Variants in ZNF714 observed in about 807,000 individuals in gnomAD.
ZNF714 encodes the protein zinc finger protein 714.
Under a neutral mutation model 46.2 loss-of-function variants are expected in ZNF714, and 32 were observed. The ratio of observed to expected loss-of-function variants is 0.69; its 90% confidence interval spans 0.52 to 0.93. The LOEUF is 0.93. Among genes scored for constraint, ZNF714 ranks in the 40% least tolerant of loss-of-function variants. ZNF714 has a pLI of 0.00. For missense variants in ZNF714, 635 were observed against 646.3 expected, an observed-to-expected ratio of 0.98 and a Z score of 0.19; for synonymous variants, 199 against 213.1, an observed-to-expected ratio of 0.93 and a Z score of 0.58.
intron 4 of ZNF714, among the ~76,000 whole-genome samples, chr19:21,107,496 C>T (rs570936301): frequency 6.6e-6 from 1 of 152,264 alleles, no homozygotes; most frequent in South Asian, 2.1e-4. Context: ...ACCTTGGCCT[C>T]CCAAAATGCT....
At chr19:21,088,003 A>C (rs1968822017) in intron 2 of ZNF714, among the ~76,000 whole-genome samples, 2 of 152,206 alleles carry the variant, frequency 1.3e-5, no homozygotes, top group African/African-American at 4.8e-5. Flanking sequence ...CTAGGCGTGG[A>C]GTCCAGGACA....
intron 2 of ZNF714, among the ~76,000 whole-genome samples, chr19:21,093,358 G>C (rs865904249): frequency 6.6e-6 from 1 of 151,578 alleles, no homozygotes; most frequent in Admixed American, 6.6e-5. Context: ...TCAGCCTCCC[G>C]AGTAGCTGGG....
chr19:21,117,774 A>C lies in ZNF714; in HGVS notation c.1110A>C (p.Lys370Asn), dbSNP rs376612809. The change falls in exon 5 of 5, where the codon AAA (lysine) becomes AAC (asparagine). Residue 370 changes from lysine to asparagine, a missense_variant. By Grantham distance (94) the Lys-to-Asn change is moderately conservative. Coordinates refer to ENST00000456283, the MANE Select transcript of ZNF714 (RefSeq NM_182515.4). ...KMIHTGEKPY[K>N]CEECGKAFNH... ...TTCATACTGGAGAGAAACCCTACAA[A>C]TGTGAAGAATGTGGCAAAGCCTTTA... is the stretch of plus-strand genomic sequence containing the variant. The C allele has an allele frequency of 3.7e-6, 6 of 1,613,602 alleles. No homozygotes were observed. In the African/African-American group the frequency reaches 8.0e-5, roughly 22 times the overall value.
chr19:21,106,524 G>A (rs892488561), intron 4 of ZNF714, among the ~76,000 whole-genome samples: 3 of 146,974 alleles, frequency 2.0e-5, no homozygotes, highest in East Asian at 2.1e-4. Flanking sequence ...AGCCGAGATC[G>A]TGCCACTGCA....
chr19:21,100,295 G>C (rs1161896704), intron 4 of ZNF714, among the ~76,000 whole-genome samples: 1 of 152,046 alleles, frequency 6.6e-6, no homozygotes, highest in African/African-American at 2.4e-5. Context: ...AGGCCAGGGA[G>C]GTGGATCCCC....
At chr19:21,101,881 G>A (rs968371550) in intron 4 of ZNF714, among the ~76,000 whole-genome samples, 2 of 152,160 alleles carry the variant, frequency 1.3e-5, no homozygotes, top group Non-Finnish European at 2.9e-5. Flanking sequence ...ATGAATAAGT[G>A]CCTGTCCTCT....
At chr19:21,112,070 T>C (rs963571453) in intron 4 of ZNF714, among the ~76,000 whole-genome samples, 5 of 152,202 alleles carry the variant, frequency 3.3e-5, no homozygotes, top group African/African-American at 1.2e-4. Flanking sequence ...GTTATATCTC[T>C]GCCAGGTCTT....
intron 2 of ZNF714, among the ~76,000 whole-genome samples, chr19:21,097,490 A>G (rs1969070345): frequency 6.6e-6 from 1 of 152,128 alleles, no homozygotes; most frequent in Non-Finnish European, 1.5e-5. Flanking sequence ...TATAGAGTTA[A>G]TTGTTTTTCT....
In ZNF714 at chr19:21,119,774, T is replaced by A. The variant is rs944369401; in HGVS notation, c.*1442T>A. 6.6e-6 allele frequency: 1 copy of A among 152,234 alleles called. No homozygotes were observed. The highest frequency in any genetic ancestry group is 1.5e-5 in the Non-Finnish European group (1 of 68,040). The allele number at this position is 152,234 out of a possible 1,614,324, so 9.4% of individuals were successfully genotyped here. ...CATAAGGCACTGACAACATCAGATA[T>A]ACTAAATCAGAGGGCTGAGTATAGA... On this transcript the variant is annotated 3_prime_UTR_variant, in exon 5 of 5. Transcript: ENST00000456283.
chr19:21,111,944 G>T (rs1969458000), intron 4 of ZNF714, among the ~76,000 whole-genome samples: 1 of 152,166 alleles, frequency 6.6e-6, no homozygotes, highest in Non-Finnish European at 1.5e-5. Flanking sequence ...CTTGATTGTG[G>T]TGGATAAGCT....
In ZNF714 at chr19:21,119,410, A is replaced by G. The variant is rs1969670583; in HGVS notation, c.*1078A>G. On this transcript the variant is annotated 3_prime_UTR_variant, in exon 5 of 5. Coordinates refer to ENST00000456283, the MANE Select transcript of ZNF714 (RefSeq NM_182515.4). ...ACTCCATCTAAAAAGTAAAAAAAAAAGAAAATATGAACTTTACAGTGAAGA... is the reference window on the plus strand; with the variant it reads ...ACTCCATCTAAAAAGTAAAAAAAAAGGAAAATATGAACTTTACAGTGAAGA... 1 of 172,502 alleles carries G rather than the reference A, an allele frequency of 5.8e-6. No homozygotes were observed. The highest frequency in any genetic ancestry group is 1.3e-5 in the Non-Finnish European group (1 of 79,154). The allele number at this position is 172,502 out of a possible 1,614,324, so 10.7% of individuals were successfully genotyped here.
rs913907333 is a variant in ZNF714, at chr19:21,098,347, C to T, written c.43+36C>T. On this transcript the variant is annotated intron_variant, in intron 3 of 4. Transcript: ENST00000456283. The stretch of plus-strand genomic sequence containing the variant: ...CTTTAATACATAAGTCTTAATATAC[C>T]CTAAACGTTTTATGTCTCTTTTTTT... 2.5e-6 allele frequency: 4 copies of T among 1,587,818 alleles called. No individual in the cohort carries two copies. In the East Asian group the frequency reaches 9.0e-5, roughly 36 times the overall value.
At position 21,123,803 on chromosome 19, in the gene ZNF714, A is replaced by G. The variant is rs376865342; in HGVS notation, c.*5471A>G. On this transcript the variant is annotated 3_prime_UTR_variant, in exon 5 of 5. Coordinates refer to ENST00000456283, the MANE Select transcript of ZNF714 (RefSeq NM_182515.4). Reference sequence around the variant, plus strand: ...ATGTCTTTTCTATATTGATTTTACAATTTGGAGAAATTTCTCTTATTTTTT... The same window carrying G: ...ATGTCTTTTCTATATTGATTTTACAGTTTGGAGAAATTTCTCTTATTTTTT... 1 of 152,174 alleles carries G rather than the reference A, an allele frequency of 6.6e-6. No homozygotes were observed. The allele number at this position is 152,174 out of a possible 1,614,324, so 9.4% of individuals were successfully genotyped here. A position where few individuals can be genotyped will look rare whatever the true frequency, so the allele number is the denominator to read the frequency against.
chr19:21,117,079 C>T lies in ZNF714; in HGVS notation c.415C>T (p.His139Tyr). Residue 139 changes from histidine to tyrosine, a missense_variant, in exon 5 of 5, where the codon CAT (histidine) becomes TAT (tyrosine). Physicochemically the swap from His to Tyr is moderately conservative, Grantham distance 83. Coordinates refer to ENST00000456283, the MANE Select transcript of ZNF714 (RefSeq NM_182515.4). ...IFNSNRHKTR[H>Y]TGEKPFKCKK... ...CAATTCAAATAGACACAAGACAAGA[C>T]ATACTGGAGAGAAACCTTTCAAATG... is the stretch of plus-strand genomic sequence containing the variant. The T allele has an allele frequency of 6.2e-7, 1 of 1,613,276 alleles. No individual in the cohort carries two copies. Among genetic ancestry groups the T allele is most frequent in the East Asian group, 2.2e-5 (1 of 44,832 alleles).
At chr19:21,092,121 A>G (rs1415782720) in intron 2 of ZNF714, among the ~76,000 whole-genome samples, 1 of 152,092 alleles carries the variant, frequency 6.6e-6, no homozygotes, top group Admixed American at 6.6e-5. Flanking sequence ...AGGCTTTCAC[A>G]CTGCCCATTG....
At chr19:21,106,672 ATCTCT>A (rs1296580107) in intron 4 of ZNF714, among the ~76,000 whole-genome samples, 1 of 152,116 alleles carries the variant, frequency 6.6e-6, no homozygotes, top group African/African-American at 2.4e-5. Context: ...TGAAAAGATT[ATCTCT>A]TCTCTGTTGT....
At chr19:21,095,470 A>ATTT (rs71176809) in intron 2 of ZNF714, among the ~76,000 whole-genome samples, 70 of 148,984 alleles carry the variant, frequency 4.7e-4, no homozygotes, top group African/African-American at 1.7e-3. Context: ...TCCATCTTTT[A>ATTT]TTTTTTTTTT....
intron 4 of ZNF714, among the ~76,000 whole-genome samples, chr19:21,100,096 C>A (rs1969140546): frequency 6.6e-6 from 1 of 152,000 alleles, no homozygotes; most frequent in Non-Finnish European, 1.5e-5. Flanking sequence ...CCTTGTGATC[C>A]GCCCACCTTG....
Position 21,112,816 on chromosome 19 carries a change from A to ATTTT in ZNF714, c.143-3970_143-3967dup, listed in dbSNP as rs74172391. On this transcript the variant is annotated intron_variant, in intron 4 of 4. Coordinates refer to ENST00000456283, the MANE Select transcript of ZNF714 (RefSeq NM_182515.4). ...GTTTCAAATAGTTTTTTTATTTCTG[A>ATTTT]TTTTTTTTTTTTTTTTTTTTTTTTG... 1.3e-3 allele frequency among the ~76,000 whole-genome samples: 57 copies of ATTTT among 43,216 alleles called. 5 individuals carry two copies. Among genetic ancestry groups the ATTTT allele is most frequent in the East Asian group, 3.8e-3 (4 of 1,056 alleles). The allele number at this position is 43,216 out of a possible 152,430, so 28.4% of individuals were successfully genotyped here. A position where few individuals can be genotyped will look rare whatever the true frequency, so the allele number is the denominator to read the frequency against.
Sources: allele counts gnomAD v4.1 joint callset (sites outside exome capture counted in the v4.1 genomes callset), GRCh38; gene constraint gnomAD v4.1.1; transcripts MANE v1.5; gene names NCBI Gene and HGNC (gene_info 2026-07-23, HGNC 2026-07-21).